The following ATP8A2 variants were observed in gnomAD, a reference collection of about 807,000 sequenced individuals.
ATP8A2 encodes the protein phospholipid-transporting ATPase IB.
Under a neutral mutation model 165.6 loss-of-function variants are expected in ATP8A2, and 100 were observed. That is an observed-to-expected ratio of 0.60 (90% confidence interval 0.51 to 0.71). The LOEUF (loss-of-function observed/expected upper bound fraction) is 0.71. Ranked by LOEUF, ATP8A2 falls within the 30% of genes least tolerant of loss-of-function variation. The probability of loss-of-function intolerance (pLI) is 0.00; values close to 1 mark genes in which losing one functional copy is unlikely to be tolerated. For missense variants in ATP8A2, 1,227 were observed against 1,479.5 expected (o/e 0.83, Z 2.80); for synonymous variants, 543 against 548.8 (o/e 0.99, Z 0.15).
At chr13:25,988,066 C>A (rs1325671498) in intron 35 of ATP8A2, among the ~76,000 whole-genome samples, 3 of 152,232 alleles carry the variant, frequency 2.0e-5, no homozygotes, top group African/African-American at 4.8e-5. Flanking sequence ...AGTATCTATA[C>A]AGGTTTACAG....
intron 8 of ATP8A2, among the ~76,000 whole-genome samples, chr13:25,541,219 A>G (rs2038466013): frequency 6.6e-6 from 1 of 152,182 alleles, no homozygotes; most frequent in South Asian, 2.1e-4. Context: ...TGAAGCTTAA[A>G]AAACTTTTGC....
chr13:25,531,113 C>T (rs1163902717), intron 4 of ATP8A2, among the ~76,000 whole-genome samples: 3 of 143,210 alleles, frequency 2.1e-5, no homozygotes, highest in East Asian at 2.0e-4. Context: ...TGCTCTGTCT[C>T]CCCCTATATA....
At chr13:25,512,958 G>C (rs2037306360) in intron 2 of ATP8A2, among the ~76,000 whole-genome samples, 1 of 135,666 alleles carries the variant, frequency 7.4e-6, no homozygotes, top group Non-Finnish European at 1.7e-5. Flanking sequence ...CCGGGTGGGG[G>C]GCTGACCCCC....
rs184003290 is a variant in ATP8A2, at chr13:25,953,992, T to C, written c.3184-7583T>C. ...TTTCATACCCCAGTGGCACCTGGAATGCCAGCAAGACAGAACCGTTCACTT... is the reference window on the plus strand; with the variant it reads ...TTTCATACCCCAGTGGCACCTGGAACGCCAGCAAGACAGAACCGTTCACTT... On this transcript the variant is annotated intron_variant, in intron 33 of 36. Coordinates refer to ENST00000381655, the MANE Select transcript of ATP8A2 (RefSeq NM_016529.6). This position sits in a 1 kb window ranked among gnomAD's most constrained non-coding sequence, Gnocchi z 6.7. 8.4e-3 allele frequency among the ~76,000 whole-genome samples: 1,282 copies of C among 151,782 alleles called. 9 individuals carry two copies. Among genetic ancestry groups the C allele is most frequent in the South Asian group, 0.024 (114 of 4,798 alleles).
chr13:25,880,377 C>CAAAA (rs10641772), intron 33 of ATP8A2, among the ~76,000 whole-genome samples: 262 of 91,656 alleles, frequency 2.9e-3, no homozygotes, highest in African/African-American at 8.8e-3. Context: ...TCAGGAACAA[C>CAAAA]AAAAAAAAAA....
chr13:25,574,935 T>A, intron 19 of ATP8A2, 78 bp downstream of exon 19: 3 of 779,216 alleles, frequency 3.9e-6, no homozygotes, highest in African/African-American at 1.8e-5. Flanking sequence ...TACATGATTG[T>A]ATGGTATGAT....
intron 24 of ATP8A2, among the ~76,000 whole-genome samples, chr13:25,690,633 C>T (rs935116596): frequency 3.0e-4 from 46 of 152,270 alleles, no homozygotes; most frequent in African/African-American, 3.4e-4. Flanking sequence ...TCTAATACTA[C>T]GCACCCACTG....
chr13:25,521,555 A>G (rs1177208193), intron 2 of ATP8A2, among the ~76,000 whole-genome samples: 5 of 152,140 alleles, frequency 3.3e-5, no homozygotes, highest in South Asian at 4.1e-4. Context: ...TTTTTGTATA[A>G]TGAGAGATAG....
chr13:25,768,076 T>TGGGGGGGGGGGG (rs397942177), intron 25 of ATP8A2, among the ~76,000 whole-genome samples: 5 of 49,134 alleles, frequency 1.0e-4, no homozygotes, highest in Admixed American at 2.2e-4. Context: ...TGTGGTGGCG[T>TGGGGGGGGGGGG]GGGGGGGGGG....
intron 27 of ATP8A2, among the ~76,000 whole-genome samples, chr13:25,800,635 A>G (rs1950603326): frequency 6.6e-6 from 1 of 152,166 alleles, no homozygotes. Context: ...CTGAACTGAG[A>G]AAGTGAACAT....
intron 27 of ATP8A2, among the ~76,000 whole-genome samples, chr13:25,796,562 G>A (rs1439321289): frequency 6.6e-6 from 1 of 152,178 alleles, no homozygotes; most frequent in East Asian, 1.9e-4. Context: ...CTGGGGAAGA[G>A]CCATTTCCAA....
At chr13:25,937,848 C>CAAAAAAAAAAAAAAAA (rs57258286) in intron 33 of ATP8A2, among the ~76,000 whole-genome samples, 1 of 83,558 alleles carries the variant, frequency 1.2e-5, no homozygotes, top group African/African-American at 4.7e-5. Flanking sequence ...GACTCCGTCT[C>CAAAAAAAAAAAAAAAA]AAAAAAAAAA....
intron 33 of ATP8A2, among the ~76,000 whole-genome samples, chr13:25,957,023 G>T (rs184995828): frequency 6.6e-6 from 1 of 152,218 alleles, no homozygotes; most frequent in African/African-American, 2.4e-5. Flanking sequence ...AATGTGGAAA[G>T]GAGTCCCTAT....
At chr13:25,486,614 A>G (rs2036361072) in intron 2 of ATP8A2, among the ~76,000 whole-genome samples, 1 of 152,216 alleles carries the variant, frequency 6.6e-6, no homozygotes, top group African/African-American at 2.4e-5. Flanking sequence ...TACATTGAAT[A>G]TTTTAAAATT....
At chr13:25,622,766 G>T (rs1171799694) in intron 24 of ATP8A2, among the ~76,000 whole-genome samples, 1 of 152,124 alleles carries the variant, frequency 6.6e-6, no homozygotes, top group African/African-American at 2.4e-5. Context: ...CCATCCCCAA[G>T]ATATCTCATA....
intron 25 of ATP8A2, among the ~76,000 whole-genome samples, chr13:25,712,375 G>C (rs1401319110): frequency 6.6e-6 from 1 of 152,164 alleles, no homozygotes; most frequent in Non-Finnish European, 1.5e-5. Flanking sequence ...AAACCCTGGA[G>C]CCTGGAAGAT....
chr13:25,640,091 C>A (rs1177062259), intron 24 of ATP8A2, among the ~76,000 whole-genome samples: 1 of 152,146 alleles, frequency 6.6e-6, no homozygotes, highest in Admixed American at 6.5e-5. Context: ...ATCTCTGAGA[C>A]ACATTTAAAG....
intron 31 of ATP8A2, among the ~76,000 whole-genome samples, chr13:25,860,550 C>T (rs1223745248): frequency 6.6e-6 from 1 of 152,130 alleles, no homozygotes; most frequent in South Asian, 2.1e-4. Context: ...TGGTATCTCC[C>T]AAGCTAAGAA....
At chr13:25,444,808 G>C (rs1419501617) in intron 1 of ATP8A2, among the ~76,000 whole-genome samples, 1 of 151,964 alleles carries the variant, frequency 6.6e-6, no homozygotes, top group Admixed American at 6.6e-5. Context: ...ACCAGAACTG[G>C]CTAATTTTTG....
Sources: gnomAD v4.1 joint callset for allele counts (sites outside exome capture counted in the v4.1 genomes callset) on GRCh38, gnomAD v4.1.1 for gene constraint, Gnocchi (gnomAD v3.1) non-coding constraint, MANE v1.5 for transcripts, NCBI Gene and HGNC (gene_info 2026-07-23, HGNC 2026-07-21) for gene names.